UCK2: variants seen among roughly 807,000 people sequenced by gnomAD.
UCK2 encodes cytidine monophosphokinase 2.
UCK2 carries 6 observed loss-of-function variants against 30.8 expected under a neutral mutation model. The ratio of observed to expected loss-of-function variants is 0.19; its 90% CI spans 0.11 to 0.38. UCK2 has a LOEUF of 0.38. Ranked by LOEUF, UCK2 falls within the 10% of genes least tolerant of loss-of-function variation. The pLI, the probability that UCK2 is intolerant of heterozygous loss-of-function variation, is 1.00. For missense variants in UCK2, 210 were observed against 339.8 expected (o/e 0.62, Z 3.00); for synonymous variants, 125 against 133.6 (o/e 0.94, Z 0.45).
Position 165,827,866 on chromosome 1 carries a change from C to A in UCK2, c.33C>A (p.Asn11Lys), listed in dbSNP as rs1464939223. 3 of 1,480,726 alleles carry A rather than the reference C, an allele frequency of 2.0e-6. No individual in the cohort carries two copies. The highest frequency in any genetic ancestry group is 2.7e-6 in the Non-Finnish European group (3 of 1,108,966). The allele number at this position is 1,480,726 out of a possible 1,614,324, so 91.7% of individuals were successfully genotyped here. A position where few individuals can be genotyped will look rare whatever the true frequency, so the allele number is the denominator to read the frequency against. Residue 11 changes from asparagine to lysine, a missense_variant, in exon 1 of 7, where the codon AAC becomes AAA. Physicochemically the swap from Asn to Lys is moderately conservative, Grantham distance 94 (BLOSUM62 0). Transcript: ENST00000367879. ...GGGACAGCGAGCAGACCCTGCAGAA[C>A]CACCAGCAGCCCAACGGCGGCGAGC... MAGDSEQTLQ[N>K]HQQPNGGEPF...
chr1:165,905,277 G>GT (rs1225995440), intron 5 of UCK2, among the ~76,000 whole-genome samples: 1 of 152,204 alleles, frequency 6.6e-6, no homozygotes, highest in East Asian at 1.9e-4. Context: ...GAGCCCAGGA[G>GT]TTTGAGACCA....
chr1:165,842,727 C>G (rs1654360284), intron 1 of UCK2, among the ~76,000 whole-genome samples: 1 of 152,210 alleles, frequency 6.6e-6, no homozygotes, highest in Non-Finnish European at 1.5e-5. Flanking sequence ...TTTAAAAATG[C>G]AACTCCGATG....
At chr1:165,872,557 C>T (rs961247080) in intron 1 of UCK2, among the ~76,000 whole-genome samples, 1 of 152,172 alleles carries the variant, frequency 6.6e-6, no homozygotes, top group Non-Finnish European at 1.5e-5. Flanking sequence ...TTTGCCCTAG[C>T]AAATCCACTA....
At chr1:165,854,387 A>T (rs1365010305) in intron 1 of UCK2, among the ~76,000 whole-genome samples, 1 of 152,130 alleles carries the variant, frequency 6.6e-6, no homozygotes, top group Non-Finnish European at 1.5e-5. Context: ...CCTCATTCAG[A>T]TGATTCTTGG....
At chr1:165,871,672 A>G (rs182627066) in intron 1 of UCK2, among the ~76,000 whole-genome samples, 99 of 152,282 alleles carry the variant, frequency 6.5e-4, no homozygotes, top group Middle Eastern at 3.4e-3. Flanking sequence ...AAGAAAGGAC[A>G]AGTGAGCTAC....
chr1:165,841,111 G>GTGTATA lies in UCK2; in HGVS notation c.99+13180_99+13181insGTATAT, dbSNP rs1467504223. On this transcript the variant is annotated intron_variant, in intron 1 of 6. Transcript: ENST00000367879. ...TGTGCACACGTATGTGTGTGTGTGT[G>GTGTATA]TATATATATATATATATATATAAAA... 1.3e-3 allele frequency among the ~76,000 whole-genome samples: 192 copies of GTGTATA among 144,958 alleles called. 1 individual carries two copies. Among genetic ancestry groups the GTGTATA allele is most frequent in the African/African-American group, 4.6e-3 (178 of 38,576 alleles).
At chr1:165,895,080 G>T (rs1026755615) in intron 3 of UCK2, among the ~76,000 whole-genome samples, 1 of 152,160 alleles carries the variant, frequency 6.6e-6, no homozygotes, top group Non-Finnish European at 1.5e-5. Context: ...ACAGCCCGTC[G>T]CCTAACCGTT....
At chr1:165,859,688 G>A (rs987184500) in intron 1 of UCK2, among the ~76,000 whole-genome samples, 5 of 152,152 alleles carry the variant, frequency 3.3e-5, no homozygotes, top group South Asian at 2.1e-4. Context: ...TTAGCAGGGT[G>A]TGGTGGTGCA....
chr1:165,832,658 G>T (rs891841041), intron 1 of UCK2, among the ~76,000 whole-genome samples: 1 of 152,014 alleles, frequency 6.6e-6, no homozygotes, highest in African/African-American at 2.4e-5. Context: ...ACCCAGGCTG[G>T]AGTGCAGGGG....
At chr1:165,857,400 T>A (rs1654774237) in intron 1 of UCK2, among the ~76,000 whole-genome samples, 2 of 152,344 alleles carry the variant, frequency 1.3e-5, no homozygotes, top group African/African-American at 4.8e-5. Context: ...AGTAGACAGA[T>A]AACTGACATA....
chr1:165,836,272 A>G (rs1189655063), intron 1 of UCK2, among the ~76,000 whole-genome samples: 1 of 152,176 alleles, frequency 6.6e-6, no homozygotes, highest in African/African-American at 2.4e-5. Context: ...TGGATATGTT[A>G]TACATTTTTT....
At chr1:165,880,789 C>G (rs1571288711) in intron 1 of UCK2, among the ~76,000 whole-genome samples, 1 of 152,186 alleles carries the variant, frequency 6.6e-6, no homozygotes, top group South Asian at 2.1e-4. Context: ...TTTGTCTTTG[C>G]TTGGTGGTAG....
intron 3 of UCK2, among the ~76,000 whole-genome samples, chr1:165,894,835 C>T (rs984722965): frequency 6.6e-6 from 1 of 152,042 alleles, no homozygotes; most frequent in Non-Finnish European, 1.5e-5. Context: ...ATACTGACCT[C>T]CTTATGTTTG....
intron 4 of UCK2, 126 bp downstream of exon 4, chr1:165,896,458 T>A: frequency 9.1e-7 from 1 of 1,093,548 alleles, no homozygotes; most frequent in Non-Finnish European, 1.3e-6. Flanking sequence ...CAGCTGTGTG[T>A]CGCATGGTCC....
At chr1:165,880,562 TGGGGGTGTGTGTGTGTGTGTGTGTGTG>T (rs1308716411) in intron 1 of UCK2, among the ~76,000 whole-genome samples, 7 of 115,812 alleles carry the variant, frequency 6.0e-5, no homozygotes, top group East Asian at 2.5e-4. Context: ...CAGTTTTTTT[TGGGGGTGTGTGTGTGTGTGTGTGTGTG>T]TGTGTGTGTG....
chr1:165,850,137 T>C, intron 1 of UCK2, among the ~76,000 whole-genome samples: 1 of 152,198 alleles, frequency 6.6e-6, no homozygotes, highest in South Asian at 2.1e-4. Flanking sequence ...TTTATTTTTA[T>C]TTATTTATTT....
chr1:165,883,510 A>G (rs538502791), intron 1 of UCK2, among the ~76,000 whole-genome samples: 1 of 152,322 alleles, frequency 6.6e-6, no homozygotes, highest in Non-Finnish European at 1.5e-5. Context: ...TAGTCACACT[A>G]TTGGTCCTTG....
Position 165,911,607 on chromosome 1 carries a change from A to G in UCK2, c.*3784A>G, listed in dbSNP as rs1374532611. 6.6e-6 allele frequency: 1 copy of G among 152,256 alleles called. No homozygotes were observed. Among genetic ancestry groups the G allele is most frequent in the Non-Finnish European group, 1.5e-5 (1 of 68,054 alleles). The allele number at this position is 152,256 out of a possible 1,614,324, so 9.4% of individuals were successfully genotyped here. A position where few individuals can be genotyped will look rare whatever the true frequency, so the allele number is the denominator to read the frequency against. On this transcript the variant is annotated 3_prime_UTR_variant, in exon 7 of 7. Coordinates refer to ENST00000367879, the MANE Select transcript of UCK2 (RefSeq NM_012474.5). Reference sequence around the variant, plus strand: ...TATGTACTTTGCTGTAAATAAAGACAGACAAAAAGGCTCTCGCCTTCTGTG... The same window carrying G: ...TATGTACTTTGCTGTAAATAAAGACGGACAAAAAGGCTCTCGCCTTCTGTG...
intron 1 of UCK2, among the ~76,000 whole-genome samples, chr1:165,856,546 T>C (rs1167128964): frequency 2.0e-5 from 3 of 151,904 alleles, no homozygotes; most frequent in Non-Finnish European, 2.9e-5. Context: ...GTTCTTAGTT[T>C]AAAAATTTAG....
Sources: gnomAD v4.1 joint callset for allele counts (sites outside exome capture counted in the v4.1 genomes callset) on GRCh38, gnomAD v4.1.1 for gene constraint, MANE v1.5 for transcripts, NCBI Gene and HGNC (gene_info 2026-07-23, HGNC 2026-07-21) for gene names.